The following GPR158 variants were observed in gnomAD, a reference collection of about 807,000 sequenced individuals.
GPR158 encodes the protein metabotropic glycine receptor.
A neutral mutation model predicts 78.2 loss-of-function variants in GPR158; 30 were observed. The observed-to-expected ratio is 0.38, with a 90% CI of 0.29 to 0.52. GPR158 has a LOEUF of 0.52. Among genes scored for constraint, GPR158 ranks in the 20% least tolerant of loss-of-function variants. The pLI is 0.83. For missense variants in GPR158, 1,463 were observed against 1,523.5 expected, an observed-to-expected ratio of 0.96 and a Z score of 0.66; for synonymous variants, 581 against 591.1, an observed-to-expected ratio of 0.98 and a Z score of 0.25.
chr10:25,348,718 G>T (rs1588815002), intron 2 of GPR158, among the ~76,000 whole-genome samples: 2 of 152,030 alleles, frequency 1.3e-5, no homozygotes, highest in South Asian at 4.2e-4. Context: ...CTTAATCCAA[G>T]ATAAATTTTT....
chr10:25,272,249 C>A (rs1252617953), intron 2 of GPR158, among the ~76,000 whole-genome samples: 3 of 152,084 alleles, frequency 2.0e-5, no homozygotes, highest in African/African-American at 7.2e-5. Context: ...TCTTGCTAAG[C>A]TTTTTCAAAA....
intron 4 of GPR158, among the ~76,000 whole-genome samples, chr10:25,434,256 A>G (rs1211474136): frequency 1.3e-5 from 2 of 152,204 alleles, no homozygotes; most frequent in Non-Finnish European, 2.9e-5. Context: ...AAGAATGAGT[A>G]AAGTGATTAT....
intron 1 of GPR158, among the ~76,000 whole-genome samples, chr10:25,194,354 C>A (rs1852816501): frequency 6.6e-6 from 1 of 152,082 alleles, no homozygotes; most frequent in Admixed American, 6.6e-5. Context: ...GCCTGGCCAA[C>A]ATGGTGAAAC....
Position 25,514,157 on chromosome 10 carries a change from C to G in GPR158, c.1405-36819C>G, listed in dbSNP as rs572483753. Among the ~76,000 whole-genome samples, 94 of 151,996 alleles carry G rather than the reference C, an allele frequency of 6.2e-4. No homozygotes were observed. In the South Asian group the frequency reaches 0.019, roughly 31 times the overall value. On this transcript the variant is annotated intron_variant, in intron 5 of 10. Transcript: ENST00000376351. ...TTGCAGTCTGTCTCATTTCTTAGGT[C>G]TAGTATTGTTTTATAAATTTGGGAG...
intron 1 of GPR158, among the ~76,000 whole-genome samples, chr10:25,193,119 G>T (rs1268175273): frequency 6.6e-6 from 1 of 152,200 alleles, no homozygotes; most frequent in Non-Finnish European, 1.5e-5. Context: ...CCTGGCTATG[G>T]CTACAGGTGC....
chr10:25,556,386 A>G (rs988557384), intron 6 of GPR158, among the ~76,000 whole-genome samples: 4 of 152,114 alleles, frequency 2.6e-5, no homozygotes, highest in African/African-American at 9.7e-5. Flanking sequence ...AAAATAATAC[A>G]CCAATAAAGC....
intron 2 of GPR158, among the ~76,000 whole-genome samples, chr10:25,354,183 C>T (rs546597417): frequency 5.2e-4 from 79 of 151,754 alleles, no homozygotes; most frequent in African/African-American, 1.8e-3. Flanking sequence ...GTGAAACACA[C>T]TCTCTACTAA....
At position 25,506,759 on chromosome 10, in the gene GPR158, T is replaced by C. The variant is rs148284988; in HGVS notation, c.1404+40040T>C. ...GCATGAGTATGCAGTACTCTGATGA[T>C]AGTATGCCTTAATTCAGATAATGAA... is the stretch of plus-strand genomic sequence containing the variant. On this transcript the variant is annotated intron_variant, in intron 5 of 10. Transcript: ENST00000376351. 2.1e-3 allele frequency among the ~76,000 whole-genome samples: 325 copies of C among 152,360 alleles called. 3 individuals are homozygous for C. The highest frequency in any genetic ancestry group is 7.5e-3 in the African/African-American group (311 of 41,592).
chr10:25,227,139 C>T lies in GPR158; in HGVS notation c.1008+5982C>T, dbSNP rs141540353. Among the ~76,000 whole-genome samples the T allele has an allele frequency of 1.3e-3, 205 of 152,240 alleles. 2 individuals are homozygous for T. Among genetic ancestry groups the T allele is most frequent in the African/African-American group, 4.7e-3 (197 of 41,536 alleles). On this transcript the variant is annotated intron_variant, in intron 2 of 10. Transcript: ENST00000376351. ...GAGGGTTATTTGGAATAGAGATTCTCGAATTGTTTCAAAGCTAGGGTTAGA... is the reference window on the plus strand; with the variant it reads ...GAGGGTTATTTGGAATAGAGATTCTTGAATTGTTTCAAAGCTAGGGTTAGA...
At chr10:25,519,544 C>G (rs1488536597) in intron 5 of GPR158, among the ~76,000 whole-genome samples, 1 of 140,746 alleles carries the variant, frequency 7.1e-6, no homozygotes. Context: ...GCGCTTCCTT[C>G]AGGAGCTCTT....
chr10:25,366,265 GGATAATAGGATGT>G (rs1216583952), intron 2 of GPR158, among the ~76,000 whole-genome samples: 1 of 151,180 alleles, frequency 6.6e-6, no homozygotes, highest in Non-Finnish European at 1.5e-5. Context: ...TCAAATAGTT[GGATAATAGGATGT>G]GTTATTTTCA....
At chr10:25,543,562 A>G (rs774756671) in intron 5 of GPR158, among the ~76,000 whole-genome samples, 2 of 152,168 alleles carry the variant, frequency 1.3e-5, no homozygotes, top group Admixed American at 1.3e-4. Flanking sequence ...CTTTTAATGT[A>G]TCCATCACTT....
intron 5 of GPR158, 80 bp downstream of exon 5, chr10:25,466,799 CACACACAT>C (rs760271019): frequency 3.8e-4 from 228 of 605,686 alleles, no homozygotes; most frequent in East Asian, 8.9e-4. Flanking sequence ...CACACACACA[CACACACAT>C]ACACACACCC....
At chr10:25,482,746 A>C (rs796590699) in intron 5 of GPR158, among the ~76,000 whole-genome samples, 4 of 152,238 alleles carry the variant, frequency 2.6e-5, no homozygotes, top group African/African-American at 9.6e-5. Flanking sequence ...GCGTGTATCT[A>C]TTCAAAATCT....
At chr10:25,251,181 T>C (rs1452236350) in intron 2 of GPR158, among the ~76,000 whole-genome samples, 1 of 152,204 alleles carries the variant, frequency 6.6e-6, no homozygotes, top group Admixed American at 6.5e-5. Flanking sequence ...TGTTCCTCCA[T>C]CCTTTTATTT....
chr10:25,216,024 AATAAC>A (rs1462115858), intron 1 of GPR158, among the ~76,000 whole-genome samples: 2 of 152,222 alleles, frequency 1.3e-5, no homozygotes, highest in East Asian at 3.8e-4. Context: ...TCCTGCCTCC[AATAAC>A]ATTTTCTTCA....
chr10:25,357,101 T>C (rs1183336910), intron 2 of GPR158, among the ~76,000 whole-genome samples: 2 of 152,130 alleles, frequency 1.3e-5, no homozygotes, highest in African/African-American at 2.4e-5. Flanking sequence ...ATTTTGCCCC[T>C]GCCCTAGAGA....
intron 1 of GPR158, among the ~76,000 whole-genome samples, chr10:25,188,215 A>G (rs1852716451): frequency 6.6e-6 from 1 of 152,184 alleles, no homozygotes; most frequent in African/African-American, 2.4e-5. Context: ...TGCCCCAGGT[A>G]AATTATAAAT....
rs1271452391 is a variant in GPR158 at position 25,490,415 on chromosome 10, T to C, written c.1404+23696T>C. On this transcript the variant is annotated intron_variant, in intron 5 of 10. Transcript: ENST00000376351. ...CACTAACTCGTCATCTAGTATGAGG[T>C]ATATCTCCCAATGCTATCCCTCCCC... 2.1e-5 allele frequency among the ~76,000 whole-genome samples: 3 copies of C among 139,834 alleles called. No individual in the cohort carries two copies. The Admixed American group carries it at 2.2e-4, about 10-fold the overall frequency. The allele number at this position is 139,834 out of a possible 152,430, so 91.7% of individuals were successfully genotyped here. A position where few individuals can be genotyped will look rare whatever the true frequency, so the allele number is the denominator to read the frequency against.
Sources: gnomAD v4.1 joint callset for allele counts (sites outside exome capture counted in the v4.1 genomes callset) on GRCh38, gnomAD v4.1.1 for gene constraint, MANE v1.5 for transcripts, NCBI Gene and HGNC (gene_info 2026-07-23, HGNC 2026-07-21) for gene names.